Variants in LOC128125822 observed in about 807,000 individuals in gnomAD.
the LOC128125822 span, among the ~76,000 whole-genome samples, chr6:63,575,140 T>C: frequency 6.6e-6 from 1 of 152,236 alleles, no homozygotes; most frequent in African/African-American, 2.4e-5. Flanking sequence ...CATGGGACTA[T>C]TTAAAGGTGT....
At chr6:63,580,085 C>T in the LOC128125822 span, 3 of 1,611,912 alleles carry the variant, frequency 1.9e-6, no homozygotes, top group Non-Finnish European at 2.5e-6. Flanking sequence ...TAACAGCAAG[C>T]AACTTCTGTA....
the LOC128125822 span, chr6:63,580,205 A>G: frequency 2.0e-4 from 303 of 1,502,616 alleles, 1 homozygote; most frequent in Middle Eastern, 8.4e-4. Context: ...CTGGAAGTGG[A>G]ACTTGAGATA....
At chr6:63,579,526 A>G in the LOC128125822 span, among the ~76,000 whole-genome samples, 1 of 152,212 alleles carries the variant, frequency 6.6e-6, no homozygotes, top group African/African-American at 2.4e-5. Context: ...TAATCCAACA[A>G]GAGTTTTTGA....
the LOC128125822 span, chr6:63,578,546 T>C: frequency 6.2e-7 from 1 of 1,607,058 alleles, no homozygotes; most frequent in Non-Finnish European, 8.5e-7. Flanking sequence ...ATTTAACAGT[T>C]CTTATGGGTT....
chr6:63,579,306 G>A, the LOC128125822 span: 1 of 1,609,772 alleles, frequency 6.2e-7, no homozygotes. Flanking sequence ...AATGAAATAC[G>A]AAGATGCAGT....
At chr6:63,579,183 G>A in the LOC128125822 span, 5 of 1,473,936 alleles carry the variant, frequency 3.4e-6, no homozygotes, top group South Asian at 5.0e-5. Flanking sequence ...TCTGAGTTGG[G>A]GAATGTTTGG....
At chr6:63,575,191 A>G in the LOC128125822 span, among the ~76,000 whole-genome samples, 1 of 152,226 alleles carries the variant, frequency 6.6e-6, no homozygotes, top group Non-Finnish European at 1.5e-5. Context: ...TTTAATTTTA[A>G]GACTTCAAAT....
the LOC128125822 span, among the ~76,000 whole-genome samples, chr6:63,577,825 T>C: frequency 6.6e-6 from 1 of 150,574 alleles, no homozygotes; most frequent in Non-Finnish European, 1.5e-5. Context: ...ACTTTAATGG[T>C]ACTTTAATTT....
chr6:63,580,454 T>C, the LOC128125822 span: 1 of 293,148 alleles, frequency 3.4e-6, no homozygotes, highest in Non-Finnish European at 6.5e-6. Flanking sequence ...AGTATTGAGT[T>C]ATGACTTGTT....
chr6:63,583,303 T>C, the LOC128125822 span: 1 of 152,224 alleles, frequency 6.6e-6, no homozygotes, highest in Non-Finnish European at 1.5e-5. Flanking sequence ...CATTCTTGCT[T>C]CCTTAAATTA....
At chr6:63,575,110 G>T in the LOC128125822 span, among the ~76,000 whole-genome samples, 1 of 152,200 alleles carries the variant, frequency 6.6e-6, no homozygotes, top group Non-Finnish European at 1.5e-5. Flanking sequence ...ATTTAGCAAA[G>T]TTCTAGAAAC....
the LOC128125822 span, among the ~76,000 whole-genome samples, chr6:63,575,635 A>G: frequency 6.6e-6 from 1 of 152,182 alleles, no homozygotes; most frequent in East Asian, 1.9e-4. Context: ...TGAGTTGTAT[A>G]TGTGAAATTT....
the LOC128125822 span, chr6:63,578,749 C>T: frequency 2.3e-5 from 25 of 1,102,504 alleles, no homozygotes; most frequent in Non-Finnish European, 2.9e-5. Flanking sequence ...AGCATTTAGT[C>T]ACATTTGGTA....
At chr6:63,581,752 A>T in the LOC128125822 span, 1 of 152,150 alleles carries the variant, frequency 6.6e-6, no homozygotes, top group Non-Finnish European at 1.5e-5. Context: ...GCTCAGTTCC[A>T]CTAGTTCATG....
chr6:63,581,423 C>CT, the LOC128125822 span: 1 of 152,628 alleles, frequency 6.6e-6, no homozygotes, highest in East Asian at 1.9e-4. Context: ...AGAGCTGAAA[C>CT]ATCTAAATAA....
At chr6:63,578,327 A>T in the LOC128125822 span, 1 of 1,246,210 alleles carries the variant, frequency 8.0e-7, no homozygotes, top group South Asian at 2.5e-5. Flanking sequence ...TCTTTAAATG[A>T]TCTTCTGTTA....
the LOC128125822 span, chr6:63,578,442 T>A: frequency 1.2e-6 from 2 of 1,603,084 alleles, no homozygotes; most frequent in Non-Finnish European, 1.7e-6. Context: ...TCCAGGAACT[T>A]AAGAAGTATG....
At chr6:63,577,772 G>A in the LOC128125822 span, among the ~76,000 whole-genome samples, 7 of 151,832 alleles carry the variant, frequency 4.6e-5, no homozygotes, top group East Asian at 1.9e-4. Context: ...GGCTGGTCTC[G>A]AACTCCTGAC....
At chr6:63,572,616 A>G in the LOC128125822 span, 14 of 419,820 alleles carry the variant, frequency 3.3e-5, no homozygotes. Context: ...CGCCACGACC[A>G]CCGCCGCCTC....
Sources: allele counts gnomAD v4.1 joint callset (sites outside exome capture counted in the v4.1 genomes callset), GRCh38; gene constraint gnomAD v4.1.1; transcripts MANE v1.5.